FBXW7: variants seen among roughly 807,000 people sequenced by gnomAD.
FBXW7 encodes F-box and WD repeat domain containing 7, also known as F-box/WD repeat-containing protein 7.
In FBXW7, 11 loss-of-function variants were observed where a neutral mutation model predicts 86.3. The ratio of observed to expected loss-of-function variants is 0.13; its 90% CI spans 0.08 to 0.21. The LOEUF is 0.21. Ranked by LOEUF, FBXW7 falls within the 10% of genes least tolerant of loss-of-function variation. FBXW7 has a pLI of 1.00. For synonymous variants in FBXW7, 313 were observed against 297.9 expected (o/e 1.05, Z -0.52); for missense variants, 488 against 847.4 (o/e 0.58, Z 5.27).
intron 2 of FBXW7, among the ~76,000 whole-genome samples, chr4:152,527,998 G>A (rs1165455359): frequency 1.3e-5 from 2 of 151,858 alleles, no homozygotes; most frequent in Non-Finnish European, 2.9e-5. Flanking sequence ...TGACGGGTTC[G>A]TTTAAGATGC....
chr4:152,399,521 A>T (rs1488291084), intron 4 of FBXW7, among the ~76,000 whole-genome samples: 1 of 152,168 alleles, frequency 6.6e-6, no homozygotes, highest in African/African-American at 2.4e-5. Flanking sequence ...AGAAAGAGGA[A>T]ATAACACTGT....
At chr4:152,465,133 A>G (rs2149638991) in intron 2 of FBXW7, among the ~76,000 whole-genome samples, 1 of 151,996 alleles carries the variant, frequency 6.6e-6, no homozygotes, top group Admixed American at 6.5e-5. Context: ...CCTATTATAT[A>G]TGGAAGCGAC....
intron 2 of FBXW7, among the ~76,000 whole-genome samples, chr4:152,425,471 T>C (rs1739299140): frequency 6.6e-6 from 1 of 152,170 alleles, no homozygotes; most frequent in African/African-American, 2.4e-5. Context: ...AGTAAAAATC[T>C]TCCAACATCT....
intron 4 of FBXW7, among the ~76,000 whole-genome samples, chr4:152,369,550 C>T (rs773456425): frequency 6.6e-6 from 1 of 151,940 alleles, no homozygotes; most frequent in Non-Finnish European, 1.5e-5. Flanking sequence ...GGAAAAGTTA[C>T]TATATTTTGT....
intron 2 of FBXW7, among the ~76,000 whole-genome samples, chr4:152,499,126 C>T (rs1746665480): frequency 6.6e-6 from 1 of 152,088 alleles, no homozygotes; most frequent in Admixed American, 6.5e-5. Flanking sequence ...CCAAATTGTT[C>T]CCATCCTTCA....
intron 7 of FBXW7, among the ~76,000 whole-genome samples, chr4:152,336,894 CT>C (rs1420823700): frequency 4.6e-5 from 7 of 151,810 alleles, no homozygotes; most frequent in Non-Finnish European, 1.0e-4. Context: ...AAAAAAATGA[CT>C]TTTTTCTGTT....
At chr4:152,532,855 C>CT (rs1313671631) in intron 2 of FBXW7, among the ~76,000 whole-genome samples, 2 of 152,132 alleles carry the variant, frequency 1.3e-5, no homozygotes, top group African/African-American at 4.8e-5. Flanking sequence ...ACCCCAAAAA[C>CT]TTTGTCATTT....
chr4:152,407,992 TC>T (rs1737577425), intron 4 of FBXW7, among the ~76,000 whole-genome samples: 1 of 152,168 alleles, frequency 6.6e-6, no homozygotes, highest in South Asian at 2.1e-4. Flanking sequence ...CACCTGGCTA[TC>T]TTTTATATAT....
chr4:152,337,997 A>T, intron 6 of FBXW7, 61 bp from the exon 7 acceptor site: 4 of 1,522,676 alleles, frequency 2.6e-6, no homozygotes, highest in Admixed American at 4.0e-5. Flanking sequence ...ACAGGCTTAT[A>T]AAGGAAAACT....
intron 2 of FBXW7, among the ~76,000 whole-genome samples, chr4:152,516,226 T>C (rs545247159): frequency 1.3e-5 from 2 of 152,346 alleles, no homozygotes; most frequent in Admixed American, 1.3e-4. Context: ...GGTCCACAAC[T>C]GGTACTGGTC....
At chr4:152,418,630 TTA>T (rs1738663301) in intron 2 of FBXW7, among the ~76,000 whole-genome samples, 1 of 152,218 alleles carries the variant, frequency 6.6e-6, no homozygotes, top group African/African-American at 2.4e-5. Context: ...ATCTGCAGTT[TTA>T]TCATACATTA....
chr4:152,447,699 A>C (rs1383424805), intron 2 of FBXW7, among the ~76,000 whole-genome samples: 1 of 152,214 alleles, frequency 6.6e-6, no homozygotes, highest in Non-Finnish European at 1.5e-5. Context: ...AATACAACTC[A>C]TATTTCCTAA....
intron 2 of FBXW7, among the ~76,000 whole-genome samples, chr4:152,494,802 G>C (rs1465978956): frequency 6.6e-6 from 1 of 152,114 alleles, no homozygotes; most frequent in African/African-American, 2.4e-5. Flanking sequence ...AGGAGGTTGA[G>C]ACCAATAACT....
intron 4 of FBXW7, among the ~76,000 whole-genome samples, chr4:152,397,690 G>T (rs1454897684): frequency 4.1e-5 from 1 of 24,332 alleles, no homozygotes; most frequent in Non-Finnish European, 7.2e-5. Flanking sequence ...TTTACCCTAA[G>T]AAGCCAAAAA....
chr4:152,450,190 T>A (rs752255473), intron 2 of FBXW7, among the ~76,000 whole-genome samples: 5 of 152,226 alleles, frequency 3.3e-5, no homozygotes, highest in Non-Finnish European at 7.3e-5. Context: ...GGCATGCACT[T>A]CACATTCAAT....
At chr4:152,397,695 C>CAAAAAAAAAAAAAAAAAAAAA (rs397995836) in intron 4 of FBXW7, among the ~76,000 whole-genome samples, 1 of 60,406 alleles carries the variant, frequency 1.7e-5, no homozygotes, top group African/African-American at 5.6e-5. Context: ...CCTAAGAAGC[C>CAAAAAAAAAAAAAAAAAAAAA]AAAAAAAAAA....
At chr4:152,513,872 A>G (rs562339323) in intron 2 of FBXW7, among the ~76,000 whole-genome samples, 78 of 152,376 alleles carry the variant, frequency 5.1e-4, no homozygotes, top group Non-Finnish European at 8.5e-4. Flanking sequence ...TAAAAAGTTC[A>G]TAATCTACAT....
intron 2 of FBXW7, among the ~76,000 whole-genome samples, chr4:152,533,869 G>A (rs1232179324): frequency 6.6e-6 from 1 of 152,142 alleles, no homozygotes; most frequent in South Asian, 2.1e-4. Context: ...ACTTCGAAAA[G>A]AGAGATAACC....
chr4:152,361,362 A>T (rs900276030), intron 4 of FBXW7, among the ~76,000 whole-genome samples: 2 of 152,130 alleles, frequency 1.3e-5, no homozygotes, highest in Admixed American at 6.6e-5. Flanking sequence ...ACTTTAACAA[A>T]TTACATTATT....
Sources: allele counts gnomAD v4.1 joint callset (sites outside exome capture counted in the v4.1 genomes callset), GRCh38; gene constraint gnomAD v4.1.1; transcripts MANE v1.5; gene names NCBI Gene and HGNC (gene_info 2026-07-23, HGNC 2026-07-21).